Variants in IKZF2 observed in about 807,000 individuals in gnomAD.
IKZF2 encodes the protein IKAROS family zinc finger 2.
In IKZF2, 15 loss-of-function variants were observed where a neutral mutation model predicts 49.2. The ratio of observed to expected loss-of-function variants is 0.30; its 90% CI spans 0.20 to 0.47. The LOEUF (loss-of-function observed/expected upper bound fraction) is 0.47, where lower values mean the gene tolerates loss of function less well. Among genes scored for constraint, IKZF2 ranks in the 20% least tolerant of loss-of-function variants. IKZF2 has a pLI of 1.00. For missense variants in IKZF2, 567 were observed against 664.6 expected (o/e 0.85, Z 1.61); for synonymous variants, 227 against 221.4 (o/e 1.03, Z -0.23).
intron 6 of IKZF2, among the ~76,000 whole-genome samples, chr2:213,032,195 A>T (rs1462635052): frequency 6.6e-6 from 1 of 152,214 alleles, no homozygotes; most frequent in Non-Finnish European, 1.5e-5. Context: ...ATACAGATTA[A>T]ATGAATAATC....
At chr2:213,008,549 G>GA (rs1230875534) in intron 8 of IKZF2, among the ~76,000 whole-genome samples, 2 of 151,776 alleles carry the variant, frequency 1.3e-5, no homozygotes, top group East Asian at 1.9e-4. Context: ...TTCTTGACAT[G>GA]AAAAAAATAT....
chr2:213,041,119 G>GA (rs796902329), intron 6 of IKZF2, among the ~76,000 whole-genome samples: 6,139 of 137,380 alleles, frequency 0.045, 364 homozygotes, highest in African/African-American at 0.14. Context: ...CCCTGTCTCA[G>GA]AAAAAAAAAA....
intron 7 of IKZF2, chr2:213,015,029 T>C (rs1346834712): frequency 1.3e-5 from 2 of 152,040 alleles, no homozygotes; most frequent in African/African-American, 2.4e-5. Flanking sequence ...CAAAAAAATG[T>C]AGTCTCATTT....
In IKZF2 at chr2:213,007,102, T is replaced by C; in HGVS notation, c.*258A>G. 1 of 368,564 alleles carries C rather than the reference T, an allele frequency of 2.7e-6. No homozygotes were observed. Among genetic ancestry groups the C allele is most frequent in the Non-Finnish European group, 4.9e-6 (1 of 205,060 alleles). The allele number at this position is 368,564 out of a possible 1,614,324, so 22.8% of individuals were successfully genotyped here. On this transcript the variant is annotated 3_prime_UTR_variant, in exon 9 of 9. Coordinates refer to ENST00000434687, the MANE Select transcript of IKZF2 (RefSeq NM_001387220.1). ...ATGATATGCCTTGGTAGAAATGGAC[T>C]GCTCTTAAATTCCCACAAAATAAAC...
At chr2:213,034,695 G>T (rs1298094246) in intron 6 of IKZF2, among the ~76,000 whole-genome samples, 1 of 152,066 alleles carries the variant, frequency 6.6e-6, no homozygotes. Flanking sequence ...AAAGATCACA[G>T]ATCACAAAAC....
At chr2:213,142,225 A>T (rs986346650) in intron 4 of IKZF2, among the ~76,000 whole-genome samples, 1 of 151,680 alleles carries the variant, frequency 6.6e-6, no homozygotes, top group African/African-American at 2.4e-5. Flanking sequence ...GTTGAGCGCC[A>T]CCCCCCTCCC....
At chr2:213,080,137 G>A (rs912020715) in intron 4 of IKZF2, among the ~76,000 whole-genome samples, 1 of 145,662 alleles carries the variant, frequency 6.9e-6, no homozygotes, top group Non-Finnish European at 1.5e-5. Context: ...ATAAGCCTGA[G>A]CTTCTATTTA....
At chr2:213,132,669 G>A (rs2060512445) in intron 4 of IKZF2, among the ~76,000 whole-genome samples, 1 of 152,040 alleles carries the variant, frequency 6.6e-6, no homozygotes, top group Non-Finnish European at 1.5e-5. Context: ...AAGTAAATAA[G>A]TCCATCCTAA....
intron 4 of IKZF2, among the ~76,000 whole-genome samples, chr2:213,087,495 A>G (rs1704768609): frequency 6.6e-6 from 1 of 152,034 alleles, no homozygotes; most frequent in Non-Finnish European, 1.5e-5. Flanking sequence ...ATCCATTACT[A>G]ATTTATTTTT....
At chr2:213,132,881 T>C (rs1442443473) in intron 4 of IKZF2, among the ~76,000 whole-genome samples, 1 of 152,248 alleles carries the variant, frequency 6.6e-6, no homozygotes, top group Non-Finnish European at 1.5e-5. Context: ...TCTTCAGTAA[T>C]TGATTTGAAT....
At chr2:213,023,921 C>A (rs1345935219) in intron 6 of IKZF2, among the ~76,000 whole-genome samples, 2 of 152,124 alleles carry the variant, frequency 1.3e-5, no homozygotes. Context: ...AATCATTATA[C>A]CTTCTCAATT....
chr2:213,122,392 G>A (rs541239966), intron 4 of IKZF2, among the ~76,000 whole-genome samples: 12 of 152,264 alleles, frequency 7.9e-5, no homozygotes, highest in South Asian at 6.2e-4. Flanking sequence ...AATTAGAGTC[G>A]CAGGCTCCTC....
In IKZF2 at chr2:213,022,177, T is replaced by C. The variant is rs1290920482; in HGVS notation, c.575-47A>G. The C allele has an allele frequency of 2.0e-6, 3 of 1,481,636 alleles. No homozygotes were observed. In the African/African-American group the frequency reaches 4.3e-5, roughly 21 times the overall value. The allele number at this position is 1,481,636 out of a possible 1,614,324, so 91.8% of individuals were successfully genotyped here. On this transcript the variant is annotated intron_variant, in intron 6 of 8. Coordinates refer to ENST00000434687, the MANE Select transcript of IKZF2 (RefSeq NM_001387220.1). ...AGTGTGCTGTTAGTCTCATCAACAT[T>C]CAAAGCAAAATCAATAGCTAACTTT...
At chr2:213,082,269 C>T (rs6710442) in intron 4 of IKZF2, among the ~76,000 whole-genome samples, 132,262 of 152,214 alleles carry the variant, frequency 0.87, 57,687 homozygotes, top group African/African-American at 0.91. Flanking sequence ...GGAATAAATA[C>T]AACGATAAAG....
intron 4 of IKZF2, among the ~76,000 whole-genome samples, chr2:213,083,189 T>C (rs1481024945): frequency 6.6e-6 from 1 of 152,108 alleles, no homozygotes; most frequent in African/African-American, 2.4e-5. Flanking sequence ...GAAGTTCAAA[T>C]AACTTCTATA....
intron 4 of IKZF2, among the ~76,000 whole-genome samples, chr2:213,085,520 A>G (rs1374853682): frequency 1.3e-5 from 2 of 152,206 alleles, no homozygotes; most frequent in Non-Finnish European, 2.9e-5. Context: ...AGTTTCATTT[A>G]TAAATGCAGT....
At chr2:213,055,465 G>A (rs6743046) in intron 5 of IKZF2, among the ~76,000 whole-genome samples, 1 of 151,676 alleles carries the variant, frequency 6.6e-6, no homozygotes, top group African/African-American at 2.4e-5. Context: ...GATAAAAAAC[G>A]AAAAAGCAAA....
intron 4 of IKZF2, among the ~76,000 whole-genome samples, chr2:213,131,854 CGTCTCTAA>C (rs2060483411): frequency 6.6e-6 from 1 of 152,030 alleles, no homozygotes; most frequent in Non-Finnish European, 1.5e-5. Flanking sequence ...AACTGAGAGA[CGTCTCTAA>C]TGCATTCAGT....
intron 4 of IKZF2, among the ~76,000 whole-genome samples, chr2:213,084,248 A>G (rs1704308393): frequency 6.6e-6 from 1 of 152,306 alleles, no homozygotes; most frequent in South Asian, 2.1e-4. Context: ...TTTCCCTGGA[A>G]TGCTTCCCTG....
Sources: allele counts gnomAD v4.1 joint callset (sites outside exome capture counted in the v4.1 genomes callset), GRCh38; gene constraint gnomAD v4.1.1; transcripts MANE v1.5; gene names NCBI Gene and HGNC (gene_info 2026-07-23, HGNC 2026-07-21).